The following TNFSF8 variants were observed in gnomAD, a reference collection of about 807,000 sequenced individuals.
The protein encoded by TNFSF8 is TNF superfamily member 8.
A neutral mutation model predicts 22.0 loss-of-function variants in TNFSF8; 4 were observed. The ratio of observed to expected loss-of-function variants is 0.18; its 90% CI spans 0.09 to 0.42. The LOEUF (loss-of-function observed/expected upper bound fraction) is 0.42. TNFSF8 is among the 10% of genes least tolerant of loss of function. TNFSF8 has a pLI of 1.00. For missense variants in TNFSF8, 233 were observed against 281.8 expected, an observed-to-expected ratio of 0.83 and a Z score of 1.24; for synonymous variants, 106 against 112.5, an observed-to-expected ratio of 0.94 and a Z score of 0.37.
chr9:114,924,417 G>A (rs1237886719), intron 1 of TNFSF8, among the ~76,000 whole-genome samples: 1 of 152,148 alleles, frequency 6.6e-6, no homozygotes, highest in Non-Finnish European at 1.5e-5. Context: ...ATTATTATTA[G>A]ATGATATTAT....
chr9:114,930,232 C>T lies in TNFSF8; in HGVS notation c.72G>A (p.Ala24=), dbSNP rs575875443. The part of the protein sequence containing the change: ...PPGDTAMHVP[A]GSVASHLGTT... ...TCCCCAGGTGGCTGGCCACGGAGCC[C>T]GCCGGCACATGCATGGCTGTGTCTC... is the stretch of plus-strand genomic sequence containing the variant. The change falls in exon 1 of 4, where the codon GCG becomes GCA. Residue 24 remains alanine (A), a synonymous_variant. Transcript: ENST00000223795. 18 of 1,607,698 alleles carry T rather than the reference C, an allele frequency of 1.1e-5. No individual in the cohort carries two copies. The highest frequency in any genetic ancestry group is 1.0e-4 in the Admixed American group (6 of 59,196).
At chr9:114,893,903 C>G (rs913724852) in exon 5 of TNFSF8, 2 of 569,770 alleles carry the variant, frequency 3.5e-6, no homozygotes, top group Non-Finnish European at 6.2e-6. Context: ...TATTGGGCCA[C>G]GATTCCAAAT....
In TNFSF8 at chr9:114,902,395, T is replaced by G; in HGVS notation, c.*1536A>C. ...GACCACATCACTGTTGCACACTGAT[T>G]GTTTGCTAAAGGCACAATGCTTTCC... On this transcript the variant is annotated 3_prime_UTR_variant, in exon 4 of 4. Transcript: ENST00000223795. The G allele has an allele frequency of 1.0e-6, 1 of 985,442 alleles. No individual in the cohort carries two copies. The highest frequency in any genetic ancestry group is 1.2e-6 in the Non-Finnish European group (1 of 829,934). 61.0% of individuals were successfully genotyped at this position (985,442 alleles called of 1,614,324 possible).
chr9:114,911,014 G>A (rs940749982), intron 2 of TNFSF8, among the ~76,000 whole-genome samples: 1 of 152,204 alleles, frequency 6.6e-6, no homozygotes, highest in Non-Finnish European at 1.5e-5. Context: ...GACCGTGGAT[G>A]TCAAGTGATC....
intron 1 of TNFSF8, among the ~76,000 whole-genome samples, chr9:114,919,771 C>T (rs1191437325): frequency 6.6e-6 from 1 of 152,164 alleles, no homozygotes; most frequent in East Asian, 1.9e-4. Context: ...TGGAGTTCCC[C>T]TATTATTGTA....
chr9:114,914,140 G>A (rs890801894), intron 2 of TNFSF8, among the ~76,000 whole-genome samples: 1 of 152,208 alleles, frequency 6.6e-6, no homozygotes, highest in African/African-American at 2.4e-5. Flanking sequence ...AGGACATTAA[G>A]ACAGGAAGGA....
downstream of TNFSF8, among the ~76,000 whole-genome samples, chr9:114,899,772 CTTAGAAAG>C (rs1267211985): frequency 6.6e-6 from 1 of 152,170 alleles, no homozygotes; most frequent in Non-Finnish European, 1.5e-5. Flanking sequence ...CAGAGAAGTA[CTTAGAAAG>C]TATGGAAGGA....
intron 2 of TNFSF8, among the ~76,000 whole-genome samples, chr9:114,907,268 C>A (rs1447718343): frequency 6.6e-6 from 1 of 152,200 alleles, no homozygotes; most frequent in Non-Finnish European, 1.5e-5. Flanking sequence ...TGGTCCAAAG[C>A]TCTCTTGGTG....
chr9:114,929,761 A>G (rs893768943), intron 1 of TNFSF8, among the ~76,000 whole-genome samples: 2 of 151,748 alleles, frequency 1.3e-5, no homozygotes, highest in African/African-American at 4.8e-5. Context: ...GCTCCCCTCC[A>G]CTGTTTTGCT....
downstream of TNFSF8, among the ~76,000 whole-genome samples, chr9:114,899,345 ATTT>A (rs917553729): frequency 2.1e-5 from 3 of 143,890 alleles, no homozygotes; most frequent in Non-Finnish European, 3.0e-5. Flanking sequence ...GTAAGTTATT[ATTT>A]TTTTTTTTTT....
chr9:114,893,931 G>T lies in TNFSF8; in HGVS notation c.*148C>A, dbSNP rs1827630580. The T allele has an allele frequency of 6.1e-6, 4 of 660,366 alleles. No homozygotes were observed. The East Asian group carries it at 1.1e-4, about 18-fold the overall frequency. 40.9% of individuals were successfully genotyped at this position (660,366 alleles called of 1,614,324 possible). On this transcript the variant is annotated 3_prime_UTR_variant, in exon 5 of 5. Coordinates refer to the TNFSF8 transcript ENST00000618336. Reference sequence around the variant, plus strand: ...TTCCAAATCATGGACAGGTCTAGATGATTCTGTTTGTGGGGGGTGAACCGT... The same window carrying T: ...TTCCAAATCATGGACAGGTCTAGATTATTCTGTTTGTGGGGGGTGAACCGT...
chr9:114,912,335 C>T (rs1400852368), intron 2 of TNFSF8, among the ~76,000 whole-genome samples: 4 of 152,192 alleles, frequency 2.6e-5, no homozygotes, highest in East Asian at 1.9e-4. Flanking sequence ...CTTAAGCCAA[C>T]ACATGTTGTG....
intron 1 of TNFSF8, among the ~76,000 whole-genome samples, chr9:114,926,327 G>A (rs1010245624): frequency 6.6e-6 from 1 of 152,176 alleles, no homozygotes; most frequent in Non-Finnish European, 1.5e-5. Flanking sequence ...CTACTCGGGA[G>A]ACTGAGGCAG....
chr9:114,917,676 A>T (rs1474923910), intron 2 of TNFSF8, among the ~76,000 whole-genome samples: 1 of 152,216 alleles, frequency 6.6e-6, no homozygotes, highest in Admixed American at 6.5e-5. Flanking sequence ...TACAGATGAG[A>T]TCTGAATGGC....
At chr9:114,912,310 C>T (rs1827861763) in intron 2 of TNFSF8, among the ~76,000 whole-genome samples, 1 of 152,202 alleles carries the variant, frequency 6.6e-6, no homozygotes, top group African/African-American at 2.4e-5. Context: ...GTTTGTGCTG[C>T]TTGAAATGTA....
downstream of TNFSF8, among the ~76,000 whole-genome samples, chr9:114,900,701 GC>G (rs1380157958): frequency 6.6e-6 from 1 of 152,156 alleles, no homozygotes; most frequent in Non-Finnish European, 1.5e-5. Context: ...AGGGTTAGAG[GC>G]CAGGTGTGGT....
intron 1 of TNFSF8, among the ~76,000 whole-genome samples, chr9:114,925,398 T>C (rs1444400354): frequency 6.6e-6 from 1 of 152,088 alleles, no homozygotes; most frequent in Admixed American, 6.5e-5. Flanking sequence ...TTCCACGGGA[T>C]GGGCTGGGGG....
downstream of TNFSF8, among the ~76,000 whole-genome samples, chr9:114,900,323 A>G (rs999194281): frequency 4.6e-5 from 7 of 152,214 alleles, no homozygotes; most frequent in African/African-American, 1.4e-4. Flanking sequence ...GTCAGCCTGT[A>G]TCATCTCTAG....
Position 114,930,030 on chromosome 9 carries a change from C to A in TNFSF8, c.195+79G>T, listed in dbSNP as rs1471130474. ...TTATTTTGTGCTCTTAACCAACAAA[C>A]GAATATCATTTGTTCCCAGGGCTCT... is the stretch of plus-strand genomic sequence containing the variant. On this transcript the variant is annotated intron_variant, in intron 1 of 3. Transcript: ENST00000223795. 2.6e-6 allele frequency: 3 copies of A among 1,166,502 alleles called. No individual in the cohort carries two copies. The African/African-American group carries it at 4.8e-5, about 19-fold the overall frequency. 72.3% of individuals were successfully genotyped at this position (1,166,502 alleles called of 1,614,324 possible).
Sources: gnomAD v4.1 joint callset for allele counts (sites outside exome capture counted in the v4.1 genomes callset) on GRCh38, gnomAD v4.1.1 for gene constraint, MANE v1.5 for transcripts, NCBI Gene and HGNC (gene_info 2026-07-23, HGNC 2026-07-21) for gene names.